The following USP47 variants were observed in gnomAD, a reference collection of about 807,000 sequenced individuals.
USP47 encodes ubiquitin specific peptidase 47.
In USP47, 35 loss-of-function variants were observed where a neutral mutation model predicts 165.1. The observed-to-expected ratio is 0.21, with a 90% CI of 0.16 to 0.28. The LOEUF is 0.28. Ranked by LOEUF, USP47 falls within the 10% of genes least tolerant of loss-of-function variation. USP47 has a pLI of 1.00. For synonymous variants in USP47, 531 were observed against 544.5 expected (o/e 0.98, Z 0.35); for missense variants, 1,277 against 1,607.4 (o/e 0.79, Z 3.52).
chr11:11,880,150 A>C (rs1429174658), intron 1 of USP47, 27 bp from the exon 2 acceptor site: 6 of 1,416,162 alleles, frequency 4.2e-6, no homozygotes, highest in Non-Finnish European at 5.6e-6. Flanking sequence ...GATAATATAT[A>C]AAGTCATATT....
chr11:11,953,673 C>G (rs1856366955), intron 25 of USP47, among the ~76,000 whole-genome samples: 1 of 152,008 alleles, frequency 6.6e-6, no homozygotes, highest in Non-Finnish European at 1.5e-5. Context: ...GAGCTACTAC[C>G]TTAATAAGAA....
At chr11:11,902,207 G>A (rs1404645571) in intron 5 of USP47, among the ~76,000 whole-genome samples, 1 of 152,088 alleles carries the variant, frequency 6.6e-6, no homozygotes, top group Non-Finnish European at 1.5e-5. Flanking sequence ...TATTGCAGTT[G>A]ATTAATAAAA....
chr11:11,851,110 C>T (rs1011211615), intron 1 of USP47, among the ~76,000 whole-genome samples: 6 of 152,190 alleles, frequency 3.9e-5, no homozygotes, highest in Non-Finnish European at 8.8e-5. Context: ...TTCTTTTGTG[C>T]TGGATTGTTT....
chr11:11,913,746 A>T (rs1853195863), intron 8 of USP47, among the ~76,000 whole-genome samples: 1 of 152,126 alleles, frequency 6.6e-6, no homozygotes, highest in African/African-American at 2.4e-5. Context: ...TGTGTATTTC[A>T]AAATAGCTAG....
intron 1 of USP47, among the ~76,000 whole-genome samples, chr11:11,876,746 T>G (rs140418753): frequency 6.6e-6 from 1 of 152,352 alleles, no homozygotes; most frequent in African/African-American, 2.4e-5. Context: ...CCAGGGTAAC[T>G]GGATTTCTTA....
At chr11:11,929,044 A>T (rs562223574) in intron 11 of USP47, among the ~76,000 whole-genome samples, 1 of 152,180 alleles carries the variant, frequency 6.6e-6, no homozygotes, top group African/African-American at 2.4e-5. Flanking sequence ...TAAAGGAAAT[A>T]GAATTTGAAT....
intron 5 of USP47, among the ~76,000 whole-genome samples, chr11:11,900,198 G>A (rs1420701310): frequency 3.1e-5 from 4 of 127,054 alleles, no homozygotes; most frequent in Non-Finnish European, 4.7e-5. Flanking sequence ...TCTCGCTGTC[G>A]CCCAGGCTGG....
rs1045932535 is a variant in USP47, at chr11:11,902,979, T to A, written c.739+119T>A. ...TCTTAAACCTTTCATTGCAAGTTTGTTGTCATATATTTTCTAACACATTTC... is the reference window on the plus strand; with the variant it reads ...TCTTAAACCTTTCATTGCAAGTTTGATGTCATATATTTTCTAACACATTTC... On this transcript the variant is annotated intron_variant, in intron 6 of 27. Transcript: ENST00000527733. 2.7e-6 allele frequency: 3 copies of A among 1,120,442 alleles called. No homozygotes were observed. The African/African-American group carries it at 4.8e-5, about 18-fold the overall frequency. The allele number at this position is 1,120,442 out of a possible 1,614,324, so 69.4% of individuals were successfully genotyped here. A position where few individuals can be genotyped will look rare whatever the true frequency, so the allele number is the denominator to read the frequency against.
chr11:11,852,291 C>A (rs1323382275), intron 1 of USP47, among the ~76,000 whole-genome samples: 2 of 151,834 alleles, frequency 1.3e-5, no homozygotes, highest in East Asian at 3.9e-4. Flanking sequence ...ATTTGTCCTT[C>A]CCCCCACCCC....
rs377094823 is a variant in USP47, at chr11:11,842,406, C to A, written c.39+182C>A. The stretch of plus-strand genomic sequence containing the variant: ...CGAGCAGTTGGGAGACCCGCTGGCT[C>A]TAGGGGCCGGGGAGCGGACCTCCCG... On this transcript the variant is annotated intron_variant, in intron 1 of 27. Coordinates refer to ENST00000527733, the MANE Select transcript of USP47 (RefSeq NM_001282659.2). 2.6e-3 allele frequency among the ~76,000 whole-genome samples: 393 copies of A among 152,050 alleles called. 2 individuals carry two copies. In the South Asian group the frequency reaches 0.034, roughly 13 times the overall value.
At chr11:11,898,247 T>A (rs1469301184) in intron 5 of USP47, among the ~76,000 whole-genome samples, 1 of 152,122 alleles carries the variant, frequency 6.6e-6, no homozygotes, top group Non-Finnish European at 1.5e-5. Context: ...ACATTTATTT[T>A]TATGAATATC....
intron 8 of USP47, among the ~76,000 whole-genome samples, chr11:11,917,529 A>G (rs1431409477): frequency 6.6e-6 from 1 of 151,922 alleles, no homozygotes; most frequent in African/African-American, 2.4e-5. Context: ...ACCACTTTTT[A>G]GAAGGGGGAG....
chr11:11,901,697 G>T (rs188010228), intron 5 of USP47, among the ~76,000 whole-genome samples: 1 of 152,028 alleles, frequency 6.6e-6, no homozygotes, highest in Non-Finnish European at 1.5e-5. Context: ...AGTGGCTCAC[G>T]CTTGTAATCC....
Position 11,905,428 on chromosome 11 carries a change from C to G in USP47, c.849C>G (p.Gly283=). The G allele has an allele frequency of 1.3e-6, 2 of 1,593,922 alleles. No individual in the cohort carries two copies. Among genetic ancestry groups the G allele is most frequent in the South Asian group, 1.1e-5 (1 of 88,506 alleles). ...QADLINELYQ[G]KLKDYVRCLE... is the part of the protein sequence containing the mutation. ...ATCTTATAAATGAGCTATATCAAGG[C>G]AAGCTGAAGGACTACGTGAGATGTC... The change falls in exon 8 of 28, where the codon GGC becomes GGG. Residue 283 remains glycine (G), a synonymous_variant. Coordinates refer to ENST00000527733, the MANE Select transcript of USP47 (RefSeq NM_001282659.2).
intron 1 of USP47, among the ~76,000 whole-genome samples, chr11:11,847,356 C>G (rs889372702): frequency 1.3e-5 from 2 of 151,232 alleles, no homozygotes; most frequent in South Asian, 4.2e-4. Flanking sequence ...GTAATCGGAT[C>G]CACTTGTATA....
chr11:11,901,664 A>G (rs1200536564), intron 5 of USP47, among the ~76,000 whole-genome samples: 1 of 152,146 alleles, frequency 6.6e-6, no homozygotes, highest in Non-Finnish European at 1.5e-5. Context: ...AAACATTCAA[A>G]AAAAGGGAAG....
intron 1 of USP47, among the ~76,000 whole-genome samples, chr11:11,849,031 C>T (rs1025943978): frequency 6.6e-6 from 1 of 152,148 alleles, no homozygotes; most frequent in African/African-American, 2.4e-5. Flanking sequence ...TAACCCTGCC[C>T]AGTACTCCCA....
chr11:11,851,283 A>G (rs574739457), intron 1 of USP47, among the ~76,000 whole-genome samples: 2 of 151,866 alleles, frequency 1.3e-5, no homozygotes, highest in East Asian at 3.9e-4. Context: ...CCTCTAGTCT[A>G]GATATATCCT....
At chr11:11,851,916 T>C (rs1394305371) in intron 1 of USP47, among the ~76,000 whole-genome samples, 1 of 152,154 alleles carries the variant, frequency 6.6e-6, no homozygotes, top group Non-Finnish European at 1.5e-5. Flanking sequence ...TAGTGCATTA[T>C]GTTGGTAGGG....
Sources: gnomAD v4.1 joint callset for allele counts (sites outside exome capture counted in the v4.1 genomes callset) on GRCh38, gnomAD v4.1.1 for gene constraint, MANE v1.5 for transcripts, NCBI Gene and HGNC (gene_info 2026-07-23, HGNC 2026-07-21) for gene names.